PLCD1: variants seen among roughly 807,000 people sequenced by gnomAD.
The protein encoded by PLCD1 is phospholipase C delta 1, also known as 1-phosphatidylinositol 4,5-bisphosphate phosphodiesterase delta-1.
PLCD1 carries 71 observed loss-of-function variants against 87.4 expected under a neutral mutation model. The observed-to-expected ratio is 0.81, with a 90% CI of 0.67 to 0.99. PLCD1 has a LOEUF of 0.99. PLCD1 is among the 50% of genes least tolerant of loss of function. The pLI is 0.00. For missense variants in PLCD1, 867 were observed against 1,001.5 expected, an observed-to-expected ratio of 0.87 and a Z score of 1.81; for synonymous variants, 348 against 399.2, an observed-to-expected ratio of 0.87 and a Z score of 1.53.
At chr3:38,028,039 T>C (rs931054937) in intron 1 of PLCD1, among the ~76,000 whole-genome samples, 1 of 152,176 alleles carries the variant, frequency 6.6e-6, no homozygotes, top group African/African-American at 2.4e-5. Flanking sequence ...TGAGCCTCCA[T>C]GTGTCTTCCT....
rs1385620099 is a variant in PLCD1 at position 38,029,496 on chromosome 3, A to G, written c.34+10T>C. ...GCAGGGTCTCCCGCTCGCGCGGGCC[A>G]GGCACTCACCGTGCAGGGTCAGGAA... is the stretch of plus-strand genomic sequence containing the variant. On this transcript the variant is annotated intron_variant, in intron 1 of 14. Coordinates refer to ENST00000334661, the MANE Select transcript of PLCD1 (RefSeq NM_006225.4). 8 of 1,538,934 alleles carry G rather than the reference A, an allele frequency of 5.2e-6. No homozygotes were observed. Among genetic ancestry groups the G allele is most frequent in the African/African-American group, 1.4e-5 (1 of 72,952 alleles).
intron 1 of PLCD1, chr3:38,024,634 G>C: frequency 6.6e-7 from 1 of 1,519,436 alleles, no homozygotes; most frequent in Non-Finnish European, 8.8e-7. Context: ...CGGGACGAGA[G>C]GGAAATCTGG....
intron 1 of PLCD1, among the ~76,000 whole-genome samples, chr3:38,026,626 G>A (rs1447304178): frequency 6.7e-6 from 1 of 149,636 alleles, no homozygotes; most frequent in African/African-American, 2.5e-5. Flanking sequence ...AGATTGGTGT[G>A]GATCAGTGTG....
At chr3:38,028,938 T>G (rs944343683) in intron 1 of PLCD1, among the ~76,000 whole-genome samples, 3 of 152,244 alleles carry the variant, frequency 2.0e-5, no homozygotes, top group African/African-American at 4.8e-5. Flanking sequence ...TCGTGCTGCT[T>G]CTTTCAGCCT....
rs369003040 is a variant in PLCD1, at chr3:38,008,571, C to T, written c.1789G>A (p.Gly597Arg). ...GGCTTCAGCACGTACCCACAGGCCC[C>T]GTTGTCCTGGAAGCGGCCCTGGTAC... ...DVYQGRFQDN[G>R]ACGYVLKPAF... The change falls in exon 12 of 15, where the codon GGG becomes AGG. Residue 597 changes from glycine to arginine, a missense_variant. Transcript: ENST00000334661. 65 of 1,614,184 alleles carry T rather than the reference C, an allele frequency of 4.0e-5. No homozygotes were observed. In the South Asian group the frequency reaches 5.1e-4, roughly 13 times the overall value.
At chr3:38,021,827 T>C (rs1174405127) in intron 1 of PLCD1, among the ~76,000 whole-genome samples, 2 of 152,136 alleles carry the variant, frequency 1.3e-5, no homozygotes, top group Non-Finnish European at 1.5e-5. Flanking sequence ...ACAGGCCTTT[T>C]CTTTTCTGAG....
chr3:38,009,874 C>T, intron 8 of PLCD1, 30 bp downstream of exon 8: 1 of 1,596,760 alleles, frequency 6.3e-7, no homozygotes, highest in Non-Finnish European at 8.5e-7. Context: ...CCCCACCCTC[C>T]CCCAGGGATC....
At chr3:38,013,936 C>G (rs897519205) in intron 3 of PLCD1, among the ~76,000 whole-genome samples, 2 of 152,072 alleles carry the variant, frequency 1.3e-5, no homozygotes, top group Admixed American at 1.3e-4. Context: ...CATACACCAG[C>G]AATGAAAAAT....
At chr3:38,010,323 C>T (rs778659027) in intron 6 of PLCD1, 38 bp downstream of exon 6, 1 of 1,614,142 alleles carries the variant, frequency 6.2e-7, no homozygotes, top group Admixed American at 1.7e-5. Flanking sequence ...GTCCCGGGTC[C>T]CACCCAGACT....
At position 38,009,161 on chromosome 3, in the gene PLCD1, G is replaced by C. The variant is rs1217073829; in HGVS notation, c.1607-3C>G. The stretch of plus-strand genomic sequence containing the variant: ...GTTGTGGCGGACAAAGCCGTTTCCT[G>C]AGGGGAGGTGTGGTTCGGTCAGCAG... On this transcript the variant is annotated splice_region_variant and splice_polypyrimidine_tract_variant and intron_variant, in intron 10 of 14. Coordinates refer to ENST00000334661, the MANE Select transcript of PLCD1 (RefSeq NM_006225.4). 1.2e-6 allele frequency: 2 copies of C among 1,614,028 alleles called. No individual in the cohort carries two copies. The highest frequency in any genetic ancestry group is 1.7e-6 in the Non-Finnish European group (2 of 1,179,866).
intron 1 of PLCD1, among the ~76,000 whole-genome samples, chr3:38,028,862 G>A (rs959472539): frequency 1.2e-4 from 19 of 152,288 alleles, no homozygotes; most frequent in African/African-American, 4.3e-4. Flanking sequence ...GCTGGACAAA[G>A]GATGGAGCAG....
In PLCD1 at chr3:38,007,589, A is replaced by G. The variant is rs759789823; in HGVS notation, c.*184T>C. On this transcript the variant is annotated 3_prime_UTR_variant, in exon 15 of 15. Coordinates refer to ENST00000334661, the MANE Select transcript of PLCD1 (RefSeq NM_006225.4). ...TGTTATTCCTAACGGAATGAAGGAC[A>G]GCTCCAGGGACTGGGCTAGCTCCTG... 2.9e-6 allele frequency: 2 copies of G among 701,228 alleles called. No homozygotes were observed. The highest frequency in any genetic ancestry group is 3.0e-5 in the South Asian group (2 of 66,686). The allele number at this position is 701,228 out of a possible 1,614,324, so 43.4% of individuals were successfully genotyped here.
intron 1 of PLCD1, chr3:38,024,703 G>T: frequency 1.4e-6 from 2 of 1,479,816 alleles, no homozygotes. Flanking sequence ...CGGGACCTAT[G>T]CCCCCTGAAG....
rs924871867 is a variant in PLCD1 at position 38,012,172 on chromosome 3, C to CT, written c.429-500dup. 7.4e-3 allele frequency among the ~76,000 whole-genome samples: 981 copies of CT among 131,898 alleles called. 13 individuals are homozygous for CT. The highest frequency in any genetic ancestry group is 0.052 in the East Asian group (239 of 4,618). 86.5% of individuals were successfully genotyped at this position (131,898 alleles called of 152,430 possible). Reference sequence around the variant, plus strand: ...GTGTGCACCGCACCACCACGCCTGGCTTTTTTTTTTTTTTTTGGGTAGAGA... The same window carrying CT: ...GTGTGCACCGCACCACCACGCCTGGCTTTTTTTTTTTTTTTTTGGGTAGAGA... On this transcript the variant is annotated intron_variant, in intron 3 of 14. Transcript: ENST00000334661.
intron 3 of PLCD1, 25 bp from the exon 4 acceptor site, chr3:38,011,698 C>A: frequency 6.2e-7 from 1 of 1,613,806 alleles, no homozygotes; most frequent in Non-Finnish European, 8.5e-7. Flanking sequence ...AGGAAAGAAC[C>A]CAGGAACCCT....
rs973720855 is a variant in PLCD1, at chr3:38,025,202, A to G, written c.34+4304T>C. ...CTGGAAGGGCGGTGTCCAGGCAGGG[A>G]GGGGCGGTCCCTCGGCTTTGGAGGC... On this transcript the variant is annotated intron_variant, in intron 1 of 14. Transcript: ENST00000334661. The surrounding 1 kb of genome is among the most constrained non-coding windows in gnomAD (Gnocchi z 4.0). Among the ~76,000 whole-genome samples, 2 of 151,550 alleles carry G rather than the reference A, an allele frequency of 1.3e-5. No individual in the cohort carries two copies. Among genetic ancestry groups the G allele is most frequent in the Admixed American group, 6.6e-5 (1 of 15,228 alleles).
chr3:38,020,833 G>C (rs74734681), intron 1 of PLCD1, among the ~76,000 whole-genome samples: 10,861 of 152,224 alleles, frequency 0.071, 442 homozygotes, highest in Non-Finnish European at 0.095. Context: ...AGACACAGAT[G>C]GACCCCAGAG....
intron 3 of PLCD1, among the ~76,000 whole-genome samples, chr3:38,015,289 A>G (rs1700138231): frequency 6.6e-6 from 1 of 152,248 alleles, no homozygotes. Flanking sequence ...AGGCTACAAC[A>G]TGGATGAATA....
rs754785981 is a variant in PLCD1, at chr3:38,009,636, A to G, written c.1446+17T>C. 34 of 1,613,636 alleles carry G rather than the reference A, an allele frequency of 2.1e-5. No homozygotes were observed. Among genetic ancestry groups the G allele is most frequent in the Non-Finnish European group, 2.7e-5 (32 of 1,179,882 alleles). On this transcript the variant is annotated intron_variant, in intron 9 of 14. Coordinates refer to ENST00000334661, the MANE Select transcript of PLCD1 (RefSeq NM_006225.4). ...GGGAAGGCCCGGGCTGCCCCACCCCACAGCTCCCCCTCAAACCTTGGGCTT... is the reference window on the plus strand; with the variant it reads ...GGGAAGGCCCGGGCTGCCCCACCCCGCAGCTCCCCCTCAAACCTTGGGCTT...
Sources: allele counts gnomAD v4.1 joint callset (sites outside exome capture counted in the v4.1 genomes callset), GRCh38; gene constraint gnomAD v4.1.1; non-coding constraint Gnocchi (gnomAD v3.1); transcripts MANE v1.5; gene names NCBI Gene and HGNC (gene_info 2026-07-23, HGNC 2026-07-21).